Variants in TBC1D5 observed in about 807,000 individuals in gnomAD.
TBC1D5 encodes TBC1 domain family member 5, also known as TBC1 domain family, member 5.
A neutral mutation model predicts 100.3 loss-of-function variants in TBC1D5; 75 were observed. The observed-to-expected ratio is 0.75, with a 90% CI of 0.62 to 0.91. TBC1D5 has a LOEUF of 0.91. Ranked by LOEUF, TBC1D5 falls within the 40% of genes least tolerant of loss-of-function variation. The probability of loss-of-function intolerance (pLI) is 0.00; values close to 1 mark genes in which losing one functional copy is unlikely to be tolerated. For missense variants in TBC1D5, 910 were observed against 942.4 expected (o/e 0.97, Z 0.45); for synonymous variants, 323 against 325.6 (o/e 0.99, Z 0.09).
intron 15 of TBC1D5, among the ~76,000 whole-genome samples, chr3:17,275,372 C>T (rs2079867704): frequency 6.6e-6 from 1 of 151,962 alleles, no homozygotes; most frequent in Admixed American, 6.6e-5. Context: ...GAAACCGTCT[C>T]TACGAAAGAG....
At chr3:17,298,175 T>C (rs79333147) in intron 14 of TBC1D5, among the ~76,000 whole-genome samples, 1 of 152,370 alleles carries the variant, frequency 6.6e-6, no homozygotes, top group East Asian at 1.9e-4. Flanking sequence ...TTGTGATTTT[T>C]AGTGCCTTAA....
chr3:17,612,557 G>C (rs2061762268), intron 2 of TBC1D5, among the ~76,000 whole-genome samples: 1 of 152,088 alleles, frequency 6.6e-6, no homozygotes, highest in South Asian at 2.1e-4. Context: ...TTGAACCCGG[G>C]AGGCAGAGGT....
chr3:17,262,649 T>C (rs1196243811), intron 15 of TBC1D5, among the ~76,000 whole-genome samples: 2 of 151,646 alleles, frequency 1.3e-5, no homozygotes, highest in African/African-American at 4.8e-5. Context: ...GCCCAGCTAA[T>C]TTTTTGTATT....
At chr3:17,699,814 A>G (rs1171602491) in intron 1 of TBC1D5, among the ~76,000 whole-genome samples, 6 of 133,296 alleles carry the variant, frequency 4.5e-5, no homozygotes, top group Admixed American at 3.1e-4. Context: ...GTGTCAAGGG[A>G]AAAAAAAAAA....
intron 8 of TBC1D5, among the ~76,000 whole-genome samples, chr3:17,393,812 CAAA>C (rs1158779773): frequency 1.3e-5 from 2 of 152,080 alleles, no homozygotes; most frequent in Non-Finnish European, 2.9e-5. Flanking sequence ...ACACCTTATA[CAAA>C]AATTAACTCA....
chr3:17,544,740 TAAAG>T (rs2096397973), intron 2 of TBC1D5, among the ~76,000 whole-genome samples: 1 of 149,574 alleles, frequency 6.7e-6, no homozygotes, highest in African/African-American at 2.5e-5. Flanking sequence ...CATGGTGAAA[TAAAG>T]GAGGAGGAAA....
intron 1 of TBC1D5, among the ~76,000 whole-genome samples, chr3:17,713,456 A>G (rs776393428): frequency 2.0e-5 from 3 of 151,950 alleles, no homozygotes; most frequent in Non-Finnish European, 2.9e-5. Flanking sequence ...GTTAACCAGG[A>G]TGGTCTCAAA....
intron 3 of TBC1D5, among the ~76,000 whole-genome samples, chr3:17,441,221 C>G (rs542088494): frequency 6.6e-6 from 1 of 152,272 alleles, no homozygotes; most frequent in East Asian, 1.9e-4. Context: ...GTGCCAGACA[C>G]ATAATTCCAG....
At chr3:17,684,180 C>A (rs2069923030) in intron 1 of TBC1D5, among the ~76,000 whole-genome samples, 1 of 151,728 alleles carries the variant, frequency 6.6e-6, no homozygotes, top group Non-Finnish European at 1.5e-5. Context: ...GGTTGTTCAT[C>A]TCCAGAAAAG....
At chr3:17,470,888 T>C (rs1411561847) in intron 3 of TBC1D5, among the ~76,000 whole-genome samples, 1 of 152,024 alleles carries the variant, frequency 6.6e-6, no homozygotes, top group African/African-American at 2.4e-5. Flanking sequence ...ACCACTGTAC[T>C]CCAGCCCGGA....
chr3:17,436,145 G>C (rs2094531492), intron 3 of TBC1D5, among the ~76,000 whole-genome samples: 1 of 152,166 alleles, frequency 6.6e-6, no homozygotes, highest in African/African-American at 2.4e-5. Context: ...AATGAAATCA[G>C]GAACTAGAGG....
In TBC1D5 at chr3:17,343,988, G is replaced by T. The variant is rs555081179; in HGVS notation, c.995+28087C>A. Among the ~76,000 whole-genome samples, 44 of 152,076 alleles carry T rather than the reference G, an allele frequency of 2.9e-4. No homozygotes were observed. In the East Asian group the frequency reaches 8.3e-3, roughly 29 times the overall value. ...TTCCTTCAGTTCTGCTCTGATTTTA[G>T]TTATTTCTTGCCTTCTGCTAGCTTT... On this transcript the variant is annotated intron_variant, in intron 13 of 21. Coordinates refer to ENST00000253692, the Ensembl canonical transcript of TBC1D5.
chr3:17,201,974 T>G (rs564778870), intron 18 of TBC1D5, among the ~76,000 whole-genome samples: 1 of 152,266 alleles, frequency 6.6e-6, no homozygotes, highest in South Asian at 2.1e-4. Flanking sequence ...AGAAGTGACT[T>G]TGGAACTTGG....
intron 2 of TBC1D5, among the ~76,000 whole-genome samples, chr3:17,558,159 C>T (rs2153465291): frequency 6.6e-6 from 1 of 152,292 alleles, no homozygotes; most frequent in Non-Finnish European, 1.5e-5. Context: ...AAAGTCAACT[C>T]TAAAATTTAA....
intron 9 of TBC1D5, among the ~76,000 whole-genome samples, chr3:17,381,445 A>G (rs1025865772): frequency 1.3e-5 from 2 of 152,112 alleles, no homozygotes; most frequent in Admixed American, 1.3e-4. Context: ...AGGAAATAAC[A>G]AAGAGATAAG....
intron 2 of TBC1D5, among the ~76,000 whole-genome samples, chr3:17,569,515 T>C (rs1388117479): frequency 6.6e-6 from 1 of 151,796 alleles, no homozygotes; most frequent in Non-Finnish European, 1.5e-5. Context: ...CATATGGTAG[T>C]AAATTTGAAT....
At chr3:17,242,905 A>G (rs144119624) in intron 16 of TBC1D5, among the ~76,000 whole-genome samples, 1 of 152,218 alleles carries the variant, frequency 6.6e-6, no homozygotes, top group Non-Finnish European at 1.5e-5. Flanking sequence ...TTCACTAAAA[A>G]GTCATTCCAA....
At chr3:17,367,876 G>T (rs1215637483) in intron 13 of TBC1D5, among the ~76,000 whole-genome samples, 1 of 151,576 alleles carries the variant, frequency 6.6e-6, no homozygotes, top group Non-Finnish European at 1.5e-5. Context: ...AAAGAAAAAA[G>T]ATGTTAATTA....
intron 15 of TBC1D5, among the ~76,000 whole-genome samples, chr3:17,276,923 T>C (rs1244292450): frequency 1.3e-5 from 2 of 152,212 alleles, no homozygotes; most frequent in Non-Finnish European, 2.9e-5. Context: ...GCAATGTCAA[T>C]GTACAGGGCA....
Sources: gnomAD v4.1 joint callset for allele counts (sites outside exome capture counted in the v4.1 genomes callset) on GRCh38, gnomAD v4.1.1 for gene constraint, MANE v1.5 for transcripts, NCBI Gene and HGNC (gene_info 2026-07-23, HGNC 2026-07-21) for gene names.